The following AP3B2 variants were observed in gnomAD, a reference collection of about 807,000 sequenced individuals.
AP3B2 encodes adaptor related protein complex 3 subunit beta 2, also known as AP-3 complex subunit beta-2.
AP3B2 carries 50 observed loss-of-function variants against 126.9 expected under a neutral mutation model. The observed-to-expected ratio is 0.39, with a 90% CI of 0.31 to 0.50. The LOEUF (loss-of-function observed/expected upper bound fraction) is 0.50. Among genes scored for constraint, AP3B2 ranks in the 20% least tolerant of loss-of-function variants. The pLI is 0.79. For missense variants in AP3B2, 1,177 were observed against 1,426.4 expected, an observed-to-expected ratio of 0.83 and a Z score of 2.82; for synonymous variants, 541 against 565.0, an observed-to-expected ratio of 0.96 and a Z score of 0.60.
At chr15:82,663,516 C>A in intron 21 of AP3B2, 44 bp downstream of exon 21, 1 of 1,599,460 alleles carries the variant, frequency 6.3e-7, no homozygotes, top group South Asian at 1.1e-5. Flanking sequence ...AATTCATGCT[C>A]CCCAGGCCTC....
At chr15:82,671,707 C>G (rs1469127029) in intron 14 of AP3B2, among the ~76,000 whole-genome samples, 2 of 151,006 alleles carry the variant, frequency 1.3e-5, no homozygotes, top group African/African-American at 4.9e-5. Flanking sequence ...CGCCATTGCA[C>G]TCCAGCCTGG....
At chr15:82,688,396 A>C (rs775296159) in intron 4 of AP3B2, 45 of 702,052 alleles carry the variant, frequency 6.4e-5, no homozygotes, top group South Asian at 2.8e-4. Flanking sequence ...TCACACCTTT[A>C]CACAAAGGGG....
intron 13 of AP3B2, 64 bp downstream of exon 13, chr15:82,677,210 A>G: frequency 7.5e-7 from 1 of 1,328,310 alleles, no homozygotes; most frequent in Non-Finnish European, 1.1e-6. Context: ...ATATGTAATT[A>G]TACAGTCTTG....
intron 1 of AP3B2, among the ~76,000 whole-genome samples, chr15:82,694,685 TAAA>T (rs202118889): frequency 7.7e-6 from 1 of 129,558 alleles, no homozygotes; most frequent in Non-Finnish European, 1.7e-5. Context: ...AACCTGTCTC[TAAA>T]AAAAAAAAAA....
intron 3 of AP3B2, 150 bp downstream of exon 3, chr15:82,689,008 G>A (rs2151449069): frequency 9.6e-7 from 1 of 1,037,130 alleles, no homozygotes; most frequent in South Asian, 1.4e-5. Context: ...ATCCAGTTCA[G>A]GGACATGGAG....
At chr15:82,678,968 T>C (rs563680525) in intron 10 of AP3B2, among the ~76,000 whole-genome samples, 2 of 152,190 alleles carry the variant, frequency 1.3e-5, no homozygotes, top group East Asian at 3.9e-4. Flanking sequence ...AATGGAGGTA[T>C]GGGCTCCCGC....
chr15:82,705,691 T>C (rs1474536024), intron 1 of AP3B2, among the ~76,000 whole-genome samples: 3 of 152,192 alleles, frequency 2.0e-5, no homozygotes, highest in African/African-American at 7.2e-5. Context: ...TATCTTGGCA[T>C]AGTTCTCATG....
At chr15:82,662,352 TG>T (rs2047965775) in intron 23 of AP3B2, 100 bp from the exon 24 acceptor site, 1 of 924,134 alleles carries the variant, frequency 1.1e-6, no homozygotes, top group South Asian at 1.5e-5. Flanking sequence ...CTGTCACAGC[TG>T]ACCAGCCCTC....
chr15:82,662,772 C>T lies in AP3B2; in HGVS notation c.2755G>A (p.Asp919Asn). ...SVHIHFSNSS[D>N]TPIKGLHVGT... The stretch of plus-strand genomic sequence containing the variant: ...ACATGCAGGCCCTTGATGGGGGTAT[C>T]AGAGCTGTTGGAGAAGTGGATGTGC... Residue 919 changes from aspartate to asparagine, a missense_variant, in exon 23 of 27, where the codon GAT (aspartate) becomes AAT (asparagine). By Grantham distance (23) the Asp-to-Asn change is conservative. This residue lies in a region of AP3B2 where 587 missense variants were observed against 571.3 expected (regional missense o/e 1.03). Transcript: ENST00000535359. The T allele has an allele frequency of 3.1e-6, 5 of 1,613,834 alleles. No homozygotes were observed. Among genetic ancestry groups the T allele is most frequent in the Non-Finnish European group, 3.4e-6 (4 of 1,179,834 alleles).
chr15:82,706,267 T>G (rs2151463769), intron 1 of AP3B2, among the ~76,000 whole-genome samples: 1 of 152,306 alleles, frequency 6.6e-6, no homozygotes, highest in East Asian at 1.9e-4. Flanking sequence ...CTCAGAAAGC[T>G]TAACTCATTG....
Position 82,680,337 on chromosome 15 carries a change from A to C in AP3B2, c.1056-108T>G. On this transcript the variant is annotated intron_variant, in intron 8 of 26. Coordinates refer to ENST00000535359, the MANE Select transcript of AP3B2 (RefSeq NM_001278512.2). The surrounding 1 kb of genome is among the most constrained non-coding windows in gnomAD (Gnocchi z 6.1). ...CGTTGCGGGGAGAGGACCAGTGCGG[A>C]GGGCAGGACTACGGTCAGTGTGGAG... 1 of 1,541,548 alleles carries C rather than the reference A, an allele frequency of 6.5e-7. No individual in the cohort carries two copies.
chr15:82,692,007 T>G (rs1271346477), intron 1 of AP3B2: 1 of 1,463,210 alleles, frequency 6.8e-7, no homozygotes, highest in Non-Finnish European at 9.5e-7. Context: ...ATGTGATCCT[T>G]CAGGTCCTGC....
intron 3 of AP3B2, 37 bp downstream of exon 3, chr15:82,689,121 G>T: frequency 6.2e-7 from 1 of 1,608,610 alleles, no homozygotes; most frequent in Non-Finnish European, 8.5e-7. Context: ...TCCTGGGGGA[G>T]GTGGGGACAA....
At position 82,664,021 on chromosome 15, in the gene AP3B2, C is replaced by A; in HGVS notation, c.2262-46G>T. 1 of 1,564,828 alleles carries A rather than the reference C, an allele frequency of 6.4e-7. No individual in the cohort carries two copies. Among genetic ancestry groups the A allele is most frequent in the Non-Finnish European group, 8.6e-7 (1 of 1,160,112 alleles). On this transcript the variant is annotated intron_variant, in intron 19 of 26. Coordinates refer to ENST00000535359, the MANE Select transcript of AP3B2 (RefSeq NM_001278512.2). The surrounding 1 kb of genome is among the most constrained non-coding windows in gnomAD (Gnocchi z 4.5). Reference sequence around the variant, plus strand: ...GGCTCAGGCCTGGCCTGGACACTCCCTCCTTGCTTCACAGAAGCAGGAGAA... The same window carrying A: ...GGCTCAGGCCTGGCCTGGACACTCCATCCTTGCTTCACAGAAGCAGGAGAA...
chr15:82,680,385 G>A lies in AP3B2; in HGVS notation c.1055+87C>T. The stretch of plus-strand genomic sequence containing the variant: ...GAGCGGGTGGGCAGAGGTGGAAGCG[G>A]CTGGTGGGCGTGAGGGGGCGGAGCC... On this transcript the variant is annotated intron_variant, in intron 8 of 26. Transcript: ENST00000535359. The surrounding 1 kb of genome is among the most constrained non-coding windows in gnomAD (Gnocchi z 6.1). The A allele has an allele frequency of 6.9e-7, 1 of 1,453,828 alleles. No individual in the cohort carries two copies. The highest frequency in any genetic ancestry group is 9.1e-7 in the Non-Finnish European group (1 of 1,095,644). The allele number at this position is 1,453,828 out of a possible 1,614,324, so 90.1% of individuals were successfully genotyped here. A position where few individuals can be genotyped will look rare whatever the true frequency, so the allele number is the denominator to read the frequency against.
intron 1 of AP3B2, among the ~76,000 whole-genome samples, chr15:82,697,689 C>T (rs936554573): frequency 1.3e-5 from 2 of 152,236 alleles, no homozygotes; most frequent in Admixed American, 6.5e-5. Flanking sequence ...ATGATGCCTT[C>T]CAGCATTATC....
chr15:82,692,269 G>T lies in AP3B2; in HGVS notation c.114-2816C>A, dbSNP rs113800314. ...TTCTTAAGCTTGATCTTGCGGATCC[G>T]GCCGTACTTGTAGAAAAGGTCTTCC... On this transcript the variant is annotated intron_variant, in intron 1 of 26. Transcript: ENST00000535359. 9.1e-5 allele frequency: 73 copies of T among 805,764 alleles called. 1 individual carries two copies. The African/African-American group carries it at 9.8e-4, about 11-fold the overall frequency. 49.9% of individuals were successfully genotyped at this position (805,764 alleles called of 1,614,324 possible). A position where few individuals can be genotyped will look rare whatever the true frequency, so the allele number is the denominator to read the frequency against.
At position 82,680,716 on chromosome 15, in the gene AP3B2, C is replaced by T; in HGVS notation, c.811G>A (p.Gly271Ser). ...CCCTTGGCCTCGTCCTCCTCTGAGC[C>T]GTAGAAGGCTTTTTCCGCGTTCTCC... is the stretch of plus-strand genomic sequence containing the variant. ...LEENAEKAFY[G>S]SEEDEAKGAG... Residue 271 changes from glycine (G) to serine (S), a missense_variant, in exon 8 of 27, where the codon GGC becomes AGC. Gly to Ser is a moderately conservative substitution (Grantham distance 56). Coordinates refer to ENST00000535359, the MANE Select transcript of AP3B2 (RefSeq NM_001278512.2). The surrounding 1 kb of genome is among the most constrained non-coding windows in gnomAD (Gnocchi z 6.1). 6.4e-7 allele frequency: 1 copy of T among 1,567,092 alleles called. No homozygotes were observed. Among genetic ancestry groups the T allele is most frequent in the African/African-American group, 1.4e-5 (1 of 73,868 alleles).
chr15:82,662,153 G>C lies in AP3B2; in HGVS notation c.2918+15C>G. The C allele has an allele frequency of 6.3e-7, 1 of 1,587,690 alleles. No individual in the cohort carries two copies. Among genetic ancestry groups the C allele is most frequent in the Non-Finnish European group, 8.6e-7 (1 of 1,165,516 alleles). On this transcript the variant is annotated intron_variant, in intron 24 of 26. Coordinates refer to ENST00000535359, the MANE Select transcript of AP3B2 (RefSeq NM_001278512.2). ...CAGCCCATCCTCTCACCCCCACCTC[G>C]AGTTGGGCACATACCACAGCTGGAA... is the stretch of plus-strand genomic sequence containing the variant.
Sources: allele counts gnomAD v4.1 joint callset (sites outside exome capture counted in the v4.1 genomes callset), GRCh38; gene constraint gnomAD v4.1.1; regional missense constraint gnomAD v4.1.1; non-coding constraint Gnocchi (gnomAD v3.1); transcripts MANE v1.5; gene names NCBI Gene and HGNC (gene_info 2026-07-23, HGNC 2026-07-21).